MPDZ: variants seen among roughly 807,000 people sequenced by gnomAD.
MPDZ encodes the protein multiple PDZ domain crumbs cell polarity complex component.
Under a neutral mutation model 239.1 loss-of-function variants are expected in MPDZ, and 234 were observed. The ratio of observed to expected loss-of-function variants is 0.98; its 90% CI spans 0.88 to 1.09. MPDZ has a LOEUF of 1.09. Among genes scored for constraint, MPDZ ranks in the 50% least tolerant of loss-of-function variants. MPDZ has a pLI of 0.00. For synonymous variants in MPDZ, 1,048 were observed against 881.3 expected (o/e 1.19, Z -3.35); for missense variants, 3,175 against 2,510.0 (o/e 1.26, Z -5.66).
intron 3 of MPDZ, among the ~76,000 whole-genome samples, chr9:13,242,527 T>C (rs1965668655): frequency 6.6e-6 from 1 of 151,174 alleles, no homozygotes; most frequent in Admixed American, 6.6e-5. Flanking sequence ...TGTTAAAAAA[T>C]GTGAAGAAAT....
At chr9:13,109,923 G>C in intron 45 of MPDZ, 29 bp downstream of exon 45, 1 of 1,546,860 alleles carries the variant, frequency 6.5e-7, no homozygotes, top group Non-Finnish European at 8.9e-7. Context: ...AGTGAAAAAT[G>C]ATACACTAAT....
intron 39 of MPDZ, among the ~76,000 whole-genome samples, chr9:13,116,424 A>G (rs1295433995): frequency 6.6e-6 from 1 of 152,180 alleles, no homozygotes; most frequent in African/African-American, 2.4e-5. Context: ...GATTAATATA[A>G]ATATTGGGCA....
chr9:13,268,818 G>A (rs770848704), intron 1 of MPDZ, among the ~76,000 whole-genome samples: 2 of 152,236 alleles, frequency 1.3e-5, no homozygotes, highest in Admixed American at 1.3e-4. Context: ...GGAAGGTAAT[G>A]TTTCCATGGC....
intron 32 of MPDZ, among the ~76,000 whole-genome samples, chr9:13,129,514 A>C (rs999364324): frequency 3.3e-5 from 5 of 151,956 alleles, no homozygotes; most frequent in African/African-American, 1.2e-4. Flanking sequence ...AATGAAAAGA[A>C]AAACAGGATG....
intron 13 of MPDZ, among the ~76,000 whole-genome samples, chr9:13,195,000 G>C (rs1474201478): frequency 6.6e-6 from 1 of 151,764 alleles, no homozygotes; most frequent in Admixed American, 6.6e-5. Context: ...AAAAAAAAAA[G>C]ATTATAGCAA....
At chr9:13,174,276 T>C (rs1952169501) in intron 21 of MPDZ, among the ~76,000 whole-genome samples, 1 of 152,168 alleles carries the variant, frequency 6.6e-6, no homozygotes, top group South Asian at 2.1e-4. Flanking sequence ...GGATTTTAAA[T>C]GTCAATTAGC....
At chr9:13,248,506 A>G (rs992706932) in intron 2 of MPDZ, among the ~76,000 whole-genome samples, 1 of 152,094 alleles carries the variant, frequency 6.6e-6, no homozygotes, top group Admixed American at 6.6e-5. Flanking sequence ...TCCACCACAA[A>G]TAATAGTTAA....
In MPDZ at chr9:13,123,388, G is replaced by A. The variant is rs552922031; in HGVS notation, c.4808-90C>T. The A allele has an allele frequency of 1.8e-5, 21 of 1,150,942 alleles. No individual in the cohort carries two copies. In the African/African-American group the frequency reaches 2.8e-4, roughly 15 times the overall value. 71.3% of individuals were successfully genotyped at this position (1,150,942 alleles called of 1,614,324 possible). ...ATCACACAGATTGACTCTGAGGGAT[G>A]GGGCAGAGAAATGGGCCCATGACTG... On this transcript the variant is annotated intron_variant, in intron 35 of 46. Coordinates refer to ENST00000319217, the MANE Select transcript of MPDZ (RefSeq NM_001378778.1).
In MPDZ at chr9:13,136,095, C is replaced by T. The variant is rs766650065; in HGVS notation, c.4380G>A (p.Lys1460=). The T allele has an allele frequency of 9.4e-6, 15 of 1,602,080 alleles. No individual in the cohort carries two copies. The highest frequency in any genetic ancestry group is 1.3e-5 in the African/African-American group (1 of 74,500). ...LPSNSENLQN[K]ETEPTVTTSD... ...AACAAACATAAGTTACATATACCTC[C>T]TTATTTTGAAGATTTTCTGAGTTAG... Residue 1460 remains lysine (K), a synonymous_variant, in exon 31 of 47, where the codon AAG becomes AAA. Coordinates refer to ENST00000319217, the MANE Select transcript of MPDZ (RefSeq NM_001378778.1).
At chr9:13,178,737 T>A (rs1011416415) in intron 19 of MPDZ, among the ~76,000 whole-genome samples, 2 of 152,192 alleles carry the variant, frequency 1.3e-5, no homozygotes, top group African/African-American at 4.8e-5. Context: ...GAATATAAAG[T>A]CTTTGTGATA....
At chr9:13,250,438 T>C in intron 1 of MPDZ, 66 bp from the exon 2 acceptor site, 1 of 802,764 alleles carries the variant, frequency 1.2e-6, no homozygotes, top group South Asian at 1.7e-5. Flanking sequence ...CTATATACTC[T>C]GAAGAACACT....
At chr9:13,246,697 A>T (rs1342342939) in intron 3 of MPDZ, among the ~76,000 whole-genome samples, 1 of 152,170 alleles carries the variant, frequency 6.6e-6, no homozygotes, top group African/African-American at 2.4e-5. Flanking sequence ...TGCATTAGCC[A>T]CACTTTGGGT....
chr9:13,110,097 A>G (rs1330475487), intron 44 of MPDZ, 33 bp from the exon 45 acceptor site: 19 of 1,521,154 alleles, frequency 1.2e-5, no homozygotes, highest in Non-Finnish European at 1.7e-5. Flanking sequence ...CAGAAAAAAC[A>G]CATGTTCCTG....
chr9:13,227,344 T>A, intron 3 of MPDZ, among the ~76,000 whole-genome samples: 1 of 152,142 alleles, frequency 6.6e-6, no homozygotes, highest in Non-Finnish European at 1.5e-5. Context: ...AATTATTATT[T>A]TTTCAAAAGT....
In MPDZ at chr9:13,121,907, G is replaced by T; in HGVS notation, c.5063C>A (p.Ala1688Asp). Residue 1688 changes from alanine to aspartate, a missense_variant, in exon 38 of 47, where the codon GCC (alanine) becomes GAC (aspartate). Physicochemically the swap from Ala to Asp is moderately radical, Grantham distance 126. Transcript: ENST00000319217. ...GACATTGATTGCTTCATCATGTGTG[G>T]CCTTTCTCAAGTCAATTCCATTCAC... is the stretch of plus-strand genomic sequence containing the variant. ...LEVNGIDLRK[A>D]THDEAINVLR... 1.2e-6 allele frequency: 2 copies of T among 1,613,584 alleles called. No individual in the cohort carries two copies. The highest frequency in any genetic ancestry group is 2.2e-5 in the South Asian group (2 of 90,998).
chr9:13,219,146 A>G (rs958849222), intron 8 of MPDZ, among the ~76,000 whole-genome samples: 1 of 151,928 alleles, frequency 6.6e-6, no homozygotes. Context: ...ATTCAAAACA[A>G]AAACAAAAAT....
In MPDZ at chr9:13,205,790, T is replaced by C. The variant is rs73408206; in HGVS notation, c.1474+126A>G. 4.9e-6 allele frequency: 4 copies of C among 819,836 alleles called. No homozygotes were observed. The East Asian group carries it at 8.3e-5, about 17-fold the overall frequency. 50.8% of individuals were successfully genotyped at this position (819,836 alleles called of 1,614,324 possible). ...TTTACTCGCCTTGGTTTATAATGAATAGTTGAGGGTAAAAAGCATTCTGAA... is the reference window on the plus strand; with the variant it reads ...TTTACTCGCCTTGGTTTATAATGAACAGTTGAGGGTAAAAAGCATTCTGAA... On this transcript the variant is annotated intron_variant, in intron 11 of 46. Transcript: ENST00000319217.
intron 12 of MPDZ, among the ~76,000 whole-genome samples, chr9:13,204,316 G>T (rs1395006724): frequency 1.3e-5 from 2 of 152,080 alleles, no homozygotes; most frequent in African/African-American, 2.4e-5. Flanking sequence ...GGCCAGGTGT[G>T]GTGGCTCGCA....
intron 3 of MPDZ, among the ~76,000 whole-genome samples, chr9:13,226,043 T>A (rs1960475266): frequency 6.6e-6 from 1 of 152,034 alleles, no homozygotes; most frequent in South Asian, 2.1e-4. Flanking sequence ...CCTCGCAAAT[T>A]TGCAGCTGAC....
Sources: gnomAD v4.1 joint callset for allele counts (sites outside exome capture counted in the v4.1 genomes callset) on GRCh38, gnomAD v4.1.1 for gene constraint, MANE v1.5 for transcripts, NCBI Gene and HGNC (gene_info 2026-07-23, HGNC 2026-07-21) for gene names.